Variants in PRTFDC1 observed in about 807,000 individuals in gnomAD.
PRTFDC1 encodes phosphoribosyl transferase domain containing 1.
Under a neutral mutation model 34.6 loss-of-function variants are expected in PRTFDC1, and 38 were observed. The observed-to-expected ratio is 1.10, with a 90% CI of 0.85 to 1.44. PRTFDC1 has a LOEUF of 1.44. Among genes scored for constraint, PRTFDC1 ranks in the 40% most tolerant of loss-of-function variants. The pLI is 0.00. For synonymous variants in PRTFDC1, 93 were observed against 98.1 expected (o/e 0.95, Z 0.31); for missense variants, 270 against 283.0 (o/e 0.95, Z 0.33).
intron 5 of PRTFDC1, among the ~76,000 whole-genome samples, chr10:24,857,296 T>A (rs1196376483): frequency 6.6e-6 from 1 of 152,208 alleles, no homozygotes; most frequent in African/African-American, 2.4e-5. Flanking sequence ...TGGACTTGTG[T>A]CTGCACATTC....
intron 3 of PRTFDC1, among the ~76,000 whole-genome samples, chr10:24,895,991 T>C (rs1379665603): frequency 2.0e-5 from 3 of 152,098 alleles, no homozygotes; most frequent in Non-Finnish European, 4.4e-5. Flanking sequence ...GTGAAACATC[T>C]CTGGCCTCAG....
intron 3 of PRTFDC1, among the ~76,000 whole-genome samples, chr10:24,877,514 G>C (rs577915702): frequency 6.6e-6 from 1 of 152,150 alleles, no homozygotes; most frequent in Non-Finnish European, 1.5e-5. Context: ...TTAAAGCAAA[G>C]TTATGCTAGC....
intron 7 of PRTFDC1, among the ~76,000 whole-genome samples, 185 bp downstream of exon 7, chr10:24,855,133 A>AG (rs1449380234): frequency 6.6e-6 from 1 of 152,196 alleles, no homozygotes; most frequent in East Asian, 1.9e-4. Context: ...CTCATTTTGA[A>AG]GGGTTCTGTT....
chr10:24,940,409 A>G (rs1010363643), intron 2 of PRTFDC1, among the ~76,000 whole-genome samples: 2 of 152,242 alleles, frequency 1.3e-5, no homozygotes, highest in African/African-American at 4.8e-5. Context: ...AAAAATTGGC[A>G]AAAGACTTGA....
At chr10:24,879,617 G>A (rs1848031628) in intron 3 of PRTFDC1, among the ~76,000 whole-genome samples, 1 of 152,016 alleles carries the variant, frequency 6.6e-6, no homozygotes, top group African/African-American at 2.4e-5. Flanking sequence ...CAAAGTGTTG[G>A]GATTACAGGA....
intron 3 of PRTFDC1, among the ~76,000 whole-genome samples, chr10:24,901,941 C>T (rs1848456468): frequency 6.6e-6 from 1 of 152,172 alleles, no homozygotes; most frequent in Non-Finnish European, 1.5e-5. Flanking sequence ...CAGGTATCCA[C>T]CCACAAGGGC....
intron 2 of PRTFDC1, 81 bp downstream of exon 2, chr10:24,942,249 T>C: frequency 8.7e-7 from 1 of 1,153,192 alleles, no homozygotes; most frequent in Non-Finnish European, 1.3e-6. Context: ...AGGAATAGGG[T>C]CCTAAAGTAT....
At chr10:24,865,364 T>G (rs1847757133) in intron 4 of PRTFDC1, among the ~76,000 whole-genome samples, 1 of 152,184 alleles carries the variant, frequency 6.6e-6, no homozygotes, top group African/African-American at 2.4e-5. Flanking sequence ...AAATTCAGGT[T>G]TTTTGAGTGG....
At chr10:24,930,644 C>A (rs900990107) in intron 3 of PRTFDC1, among the ~76,000 whole-genome samples, 1 of 152,056 alleles carries the variant, frequency 6.6e-6, no homozygotes, top group Non-Finnish European at 1.5e-5. Flanking sequence ...TGAGCTCTGG[C>A]GTGGAACTTT....
intron 7 of PRTFDC1, among the ~76,000 whole-genome samples, chr10:24,852,474 C>T (rs1333926965): frequency 6.6e-6 from 1 of 152,146 alleles, no homozygotes; most frequent in Non-Finnish European, 1.5e-5. Context: ...AAGGATCTCA[C>T]TCTGTTGTCC....
At chr10:24,902,652 A>G (rs1462102842) in intron 3 of PRTFDC1, among the ~76,000 whole-genome samples, 1 of 152,228 alleles carries the variant, frequency 6.6e-6, no homozygotes, top group African/African-American at 2.4e-5. Context: ...ACTTAGAGCA[A>G]AGAGAATGAC....
intron 3 of PRTFDC1, among the ~76,000 whole-genome samples, chr10:24,909,652 A>G (rs914039153): frequency 1.3e-4 from 20 of 152,208 alleles, no homozygotes; most frequent in African/African-American, 4.8e-4. Context: ...CAAATATGCT[A>G]TACCTGGCAA....
chr10:24,947,451 C>T (rs1031693868), intron 1 of PRTFDC1, among the ~76,000 whole-genome samples: 1 of 152,060 alleles, frequency 6.6e-6, no homozygotes, highest in Non-Finnish European at 1.5e-5. Flanking sequence ...AGATAATATG[C>T]TCTAAGTGTA....
At chr10:24,891,552 G>A (rs1445257113) in intron 3 of PRTFDC1, among the ~76,000 whole-genome samples, 2 of 151,942 alleles carry the variant, frequency 1.3e-5, no homozygotes, top group African/African-American at 4.8e-5. Context: ...CAACACTTTG[G>A]GGAGCTGAGG....
intron 4 of PRTFDC1, among the ~76,000 whole-genome samples, chr10:24,860,533 T>C (rs1318847273): frequency 2.0e-5 from 3 of 152,178 alleles, no homozygotes; most frequent in African/African-American, 7.2e-5. Context: ...TCAAACACAT[T>C]CTTATGTTAA....
intron 8 of PRTFDC1, 71 bp downstream of exon 8, chr10:24,851,317 G>T (rs942928432): frequency 1.2e-5 from 19 of 1,559,564 alleles, no homozygotes; most frequent in Non-Finnish European, 1.5e-5. Context: ...TCACTAACAC[G>T]CATTCAATAC....
chr10:24,912,147 C>A (rs1384537695), intron 3 of PRTFDC1, among the ~76,000 whole-genome samples: 1 of 148,374 alleles, frequency 6.7e-6, no homozygotes, highest in Non-Finnish European at 1.5e-5. Flanking sequence ...TGCATGCTTG[C>A]AATCCCAGCT....
intron 3 of PRTFDC1, among the ~76,000 whole-genome samples, chr10:24,923,152 A>G (rs918530066): frequency 4.0e-4 from 61 of 152,354 alleles, no homozygotes; most frequent in African/African-American, 1.5e-3. Flanking sequence ...GGGAAGCTCA[A>G]ACTGGGCAGA....
chr10:24,863,811 G>A (rs1847726777), intron 4 of PRTFDC1, among the ~76,000 whole-genome samples: 1 of 151,976 alleles, frequency 6.6e-6, no homozygotes, highest in Non-Finnish European at 1.5e-5. Flanking sequence ...GGCGGTGGCT[G>A]CTACAGGTAA....
Sources: gnomAD v4.1 joint callset for allele counts (sites outside exome capture counted in the v4.1 genomes callset) on GRCh38, gnomAD v4.1.1 for gene constraint, MANE v1.5 for transcripts, NCBI Gene and HGNC (gene_info 2026-07-23, HGNC 2026-07-21) for gene names.